Variants in ZNF346 observed in about 807,000 individuals in gnomAD.
The protein encoded by ZNF346 is zinc finger protein 346, also known as double-stranded RNA-binding zinc finger protein JAZ.
In ZNF346, 23 loss-of-function variants were observed where a neutral mutation model predicts 33.7. The observed-to-expected ratio is 0.68, with a 90% CI of 0.49 to 0.97. The LOEUF is 0.97. Ranked by LOEUF, ZNF346 falls within the 50% of genes least tolerant of loss-of-function variation. The pLI is 0.00. For synonymous variants in ZNF346, 134 were observed against 142.4 expected (o/e 0.94, Z 0.42); for missense variants, 340 against 371.1 (o/e 0.92, Z 0.69).
rs150044807 is a variant in ZNF346, at chr5:177,028,496, TTATATATATA to T, written c.175+5599_175+5608del. ...TTCTCTCTTAAGCACTTGTGACGTT[TTATATATATA>T]TATATATATATATATTTCCCTCCAT... On this transcript the variant is annotated intron_variant, in intron 1 of 6. Coordinates refer to ENST00000358149, the MANE Select transcript of ZNF346 (RefSeq NM_012279.4). 2.1e-4 allele frequency among the ~76,000 whole-genome samples: 19 copies of T among 90,514 alleles called. No individual in the cohort carries two copies. In the Middle Eastern group the frequency reaches 0.033, roughly 159 times the overall value. The allele number at this position is 90,514 out of a possible 152,430, so 59.4% of individuals were successfully genotyped here. A position where few individuals can be genotyped will look rare whatever the true frequency, so the allele number is the denominator to read the frequency against.
chr5:177,024,855 C>G (rs1776535716), intron 1 of ZNF346, among the ~76,000 whole-genome samples: 1 of 152,164 alleles, frequency 6.6e-6, no homozygotes, highest in Non-Finnish European at 1.5e-5. Flanking sequence ...CTGTTATGAC[C>G]CATTTCATTT....
intron 1 of ZNF346, among the ~76,000 whole-genome samples, chr5:177,025,442 A>G (rs953891487): frequency 1.3e-5 from 2 of 151,090 alleles, no homozygotes; most frequent in Admixed American, 1.3e-4. Context: ...TTGCTGGGTC[A>G]TATCGTAACT....
At chr5:177,045,078 A>G (rs761556382) in intron 4 of ZNF346, among the ~76,000 whole-genome samples, 22 of 152,210 alleles carry the variant, frequency 1.4e-4, no homozygotes, top group Non-Finnish European at 2.6e-4. Context: ...TTCCCAGTAC[A>G]GTGACTTCTG....
At chr5:177,029,903 T>C (rs1777421168) in intron 1 of ZNF346, among the ~76,000 whole-genome samples, 1 of 152,188 alleles carries the variant, frequency 6.6e-6, no homozygotes, top group African/African-American at 2.4e-5. Context: ...CTCAGTCTTG[T>C]AGGAATAAGC....
rs57400968 is a variant in ZNF346 at position 177,028,711 on chromosome 5, T to C, written c.175+5798T>C. Among the ~76,000 whole-genome samples the C allele has an allele frequency of 8.4e-3, 747 of 88,724 alleles. 20 individuals carry two copies. The highest frequency in any genetic ancestry group is 0.047 in the African/African-American group (526 of 11,256). The allele number at this position is 88,724 out of a possible 152,430, so 58.2% of individuals were successfully genotyped here. Reference sequence around the variant, plus strand: ...TTATTTATAACAAGCCCCTTTCTTTTTTTTTTTTTTTTTTTTTTTTTTTTA... The same window carrying C: ...TTATTTATAACAAGCCCCTTTCTTTCTTTTTTTTTTTTTTTTTTTTTTTTA... On this transcript the variant is annotated intron_variant, in intron 1 of 6. Coordinates refer to ENST00000358149, the MANE Select transcript of ZNF346 (RefSeq NM_012279.4).
chr5:177,045,441 A>G (rs1429663026), intron 4 of ZNF346, among the ~76,000 whole-genome samples: 1 of 150,810 alleles, frequency 6.6e-6, no homozygotes. Context: ...TGCAAGCTCT[A>G]CCTCCCAGGT....
intron 5 of ZNF346, among the ~76,000 whole-genome samples, chr5:177,056,614 A>G (rs1476218564): frequency 6.6e-6 from 1 of 152,232 alleles, no homozygotes; most frequent in Non-Finnish European, 1.5e-5. Flanking sequence ...TGTCCTTTGT[A>G]GGGACGTGGA....
chr5:177,047,081 C>T (rs1343895636), intron 4 of ZNF346, among the ~76,000 whole-genome samples: 1 of 149,520 alleles, frequency 6.7e-6, no homozygotes, highest in East Asian at 1.9e-4. Context: ...TGAAGTCTTG[C>T]TCTGTCACCC....
At chr5:177,064,128 C>T (rs1376667800) in intron 6 of ZNF346, among the ~76,000 whole-genome samples, 1 of 152,108 alleles carries the variant, frequency 6.6e-6, no homozygotes, top group Non-Finnish European at 1.5e-5. Flanking sequence ...GACTTCGAAG[C>T]CCATTCATTT....
intron 4 of ZNF346, among the ~76,000 whole-genome samples, chr5:177,045,609 G>A (rs1779928165): frequency 6.6e-6 from 1 of 152,058 alleles, no homozygotes; most frequent in African/African-American, 2.4e-5. Context: ...ACCTGCCTCG[G>A]CCTCCCAAAG....
At chr5:177,073,840 C>G (rs1783621697) in intron 8 of ZNF346, among the ~76,000 whole-genome samples, 1 of 151,698 alleles carries the variant, frequency 6.6e-6, no homozygotes, top group Non-Finnish European at 1.5e-5. Flanking sequence ...GGGGGGGGTC[C>G]ATTTCCCAGT....
At chr5:177,035,633 CTT>C (rs57259759) in intron 1 of ZNF346, among the ~76,000 whole-genome samples, 14,000 of 101,838 alleles carry the variant, frequency 0.14, 652 homozygotes, top group East Asian at 0.17. Flanking sequence ...GGCTAATTGA[CTT>C]TTTTTTTTTT....
At chr5:177,075,069 CA>C (rs1240137744) in intron 8 of ZNF346, among the ~76,000 whole-genome samples, 6 of 139,484 alleles carry the variant, frequency 4.3e-5, no homozygotes, top group Non-Finnish European at 6.2e-5. Flanking sequence ...CCCTCCGTCT[CA>C]AAAAAAAAAG....
At chr5:177,063,548 T>C (rs943095226) in intron 6 of ZNF346, among the ~76,000 whole-genome samples, 1 of 152,166 alleles carries the variant, frequency 6.6e-6, no homozygotes, top group African/African-American at 2.4e-5. Flanking sequence ...GCAGCCTGGC[T>C]GATGGCAGTT....
intron 5 of ZNF346, among the ~76,000 whole-genome samples, chr5:177,058,603 CAAAT>C (rs1322417188): frequency 6.6e-6 from 1 of 152,178 alleles, no homozygotes; most frequent in African/African-American, 2.4e-5. Flanking sequence ...GACCACTTCA[CAAAT>C]AAAGAAGTTG....
chr5:177,032,011 T>C (rs1217371965), intron 1 of ZNF346, among the ~76,000 whole-genome samples: 4 of 142,462 alleles, frequency 2.8e-5, no homozygotes, highest in African/African-American at 7.7e-5. Context: ...TTTTTTTTTT[T>C]TTTTTTTTTT....
Position 177,061,014 on chromosome 5 carries a change from A to G in ZNF346, c.704-1044A>G, listed in dbSNP as rs560842252. Among the ~76,000 whole-genome samples the G allele has an allele frequency of 1.8e-4, 28 of 152,146 alleles. 1 individual carries two copies. The highest frequency in any genetic ancestry group is 1.8e-4 in the Non-Finnish European group (12 of 67,994). ...GTAGTCCCAGTTACTCAGGAGGCTG[A>G]GGGAGGAGAATGGCGTGAACCCGGG... is the stretch of plus-strand genomic sequence containing the variant. On this transcript the variant is annotated intron_variant, in intron 5 of 6. Transcript: ENST00000358149.
At chr5:177,033,614 C>G (rs1212803311) in intron 1 of ZNF346, among the ~76,000 whole-genome samples, 1 of 152,162 alleles carries the variant, frequency 6.6e-6, no homozygotes, top group Non-Finnish European at 1.5e-5. Context: ...AGCTCCGCCT[C>G]CTGGGTTCAC....
intron 5 of ZNF346, chr5:177,053,090 G>C (rs1309824510): frequency 6.6e-6 from 1 of 151,962 alleles, no homozygotes; most frequent in Non-Finnish European, 1.5e-5. Flanking sequence ...GGCCAAGGCA[G>C]GTGGATCATA....
Sources: allele counts gnomAD v4.1 joint callset (sites outside exome capture counted in the v4.1 genomes callset), GRCh38; gene constraint gnomAD v4.1.1; transcripts MANE v1.5; gene names NCBI Gene and HGNC (gene_info 2026-07-23, HGNC 2026-07-21).